SUCLG2: variants seen among roughly 807,000 people sequenced by gnomAD.
SUCLG2 encodes the protein succinate--CoA ligase [GDP-forming] subunit beta, mitochondrial.
In SUCLG2, 42 loss-of-function variants were observed where a neutral mutation model predicts 47.9. The observed-to-expected ratio is 0.88, with a 90% confidence interval of 0.69 to 1.14. The LOEUF (loss-of-function observed/expected upper bound fraction) is 1.14. SUCLG2 is among the 50% of genes most tolerant of loss of function. SUCLG2 has a pLI of 0.00. For missense variants in SUCLG2, 571 were observed against 525.9 expected, an observed-to-expected ratio of 1.09 and a Z score of -0.84; for synonymous variants, 195 against 197.3, an observed-to-expected ratio of 0.99 and a Z score of 0.10.
intron 2 of SUCLG2, among the ~76,000 whole-genome samples, chr3:67,589,853 A>G (rs2107274545): frequency 6.6e-6 from 1 of 152,314 alleles, no homozygotes; most frequent in East Asian, 1.9e-4. Context: ...ATGTTCCTGC[A>G]CTAAACTCCA....
At chr3:67,419,618 A>G (rs566153241) in intron 9 of SUCLG2, among the ~76,000 whole-genome samples, 2 of 152,268 alleles carry the variant, frequency 1.3e-5, no homozygotes, top group East Asian at 3.9e-4. Flanking sequence ...TGAAATGTTA[A>G]TGAGAAGAGA....
intron 6 of SUCLG2, among the ~76,000 whole-genome samples, chr3:67,516,595 T>G (rs912471340): frequency 2.0e-5 from 3 of 152,206 alleles, no homozygotes; most frequent in Non-Finnish European, 4.4e-5. Context: ...CACCTAGAAG[T>G]GTTGTTTCAC....
intron 9 of SUCLG2, among the ~76,000 whole-genome samples, chr3:67,495,187 A>G (rs1053053754): frequency 6.6e-6 from 1 of 152,212 alleles, no homozygotes; most frequent in Non-Finnish European, 1.5e-5. Flanking sequence ...AGGACCAGTC[A>G]CTTCTGTGTA....
Position 67,428,909 on chromosome 3 carries a change from T to A in SUCLG2, c.1063-28058A>T, listed in dbSNP as rs538778537. On this transcript the variant is annotated intron_variant, in intron 9 of 10. Transcript: ENST00000307227. ...GAAGAGAAGTTTAGAGAAAAAAGAG[T>A]AAAAAGAAATGAACAAAACCTCCAA... is the stretch of plus-strand genomic sequence containing the variant. 7.6e-3 allele frequency among the ~76,000 whole-genome samples: 1,147 copies of A among 150,972 alleles called. 14 individuals carry two copies. Among genetic ancestry groups the A allele is most frequent in the African/African-American group, 0.027 (1,100 of 41,088 alleles).
intron 10 of SUCLG2, among the ~76,000 whole-genome samples, chr3:67,362,521 G>T (rs1387856): frequency 0.58 from 88,044 of 151,834 alleles, 26,183 homozygotes; most frequent in Middle Eastern, 0.72. Flanking sequence ...TAATTTTTTT[G>T]TGTGTGTGTG....
At chr3:67,470,386 A>T (rs1236559980) in intron 9 of SUCLG2, among the ~76,000 whole-genome samples, 2 of 152,064 alleles carry the variant, frequency 1.3e-5, no homozygotes, top group Non-Finnish European at 2.9e-5. Context: ...GCATTTTCTT[A>T]TTTACATGCT....
At chr3:67,568,942 G>A (rs1241959176) in intron 2 of SUCLG2, among the ~76,000 whole-genome samples, 1 of 152,156 alleles carries the variant, frequency 6.6e-6, no homozygotes, top group Non-Finnish European at 1.5e-5. Context: ...CAAATTTAGA[G>A]CTATATGGAG....
At chr3:67,406,127 A>G (rs1702801636) in intron 9 of SUCLG2, among the ~76,000 whole-genome samples, 1 of 152,198 alleles carries the variant, frequency 6.6e-6, no homozygotes, top group African/African-American at 2.4e-5. Flanking sequence ...ACCAAGACTC[A>G]GAGGTAGAAA....
intron 1 of SUCLG2, among the ~76,000 whole-genome samples, chr3:67,626,085 T>C (rs1700824254): frequency 1.3e-5 from 2 of 151,834 alleles, no homozygotes; most frequent in African/African-American, 4.8e-5. Flanking sequence ...AGTGGCGCCA[T>C]CTCAGCTCAC....
chr3:67,373,007 T>C (rs1343054538), downstream of SUCLG2, among the ~76,000 whole-genome samples: 1 of 152,188 alleles, frequency 6.6e-6, no homozygotes, highest in Non-Finnish European at 1.5e-5. Flanking sequence ...TTTACTAAAA[T>C]AGGCCCTTGG....
At chr3:67,426,553 A>C (rs1703305273) in intron 9 of SUCLG2, among the ~76,000 whole-genome samples, 1 of 152,232 alleles carries the variant, frequency 6.6e-6, no homozygotes, top group African/African-American at 2.4e-5. Context: ...ATATTCAAGA[A>C]AATAAACTTT....
chr3:67,559,768 T>C (rs1216014915), intron 2 of SUCLG2, among the ~76,000 whole-genome samples: 1 of 152,176 alleles, frequency 6.6e-6, no homozygotes, highest in Non-Finnish European at 1.5e-5. Flanking sequence ...TTCAGGGCAA[T>C]AAAACTACTC....
chr3:67,459,588 C>T (rs768425644), intron 9 of SUCLG2, among the ~76,000 whole-genome samples: 87 of 152,140 alleles, frequency 5.7e-4, no homozygotes, highest in Non-Finnish European at 1.0e-3. Context: ...CAGGGAAGAA[C>T]AGAACTATTG....
intron 9 of SUCLG2, among the ~76,000 whole-genome samples, chr3:67,472,878 T>C (rs1257817114): frequency 2.6e-5 from 4 of 152,092 alleles, no homozygotes; most frequent in African/African-American, 7.2e-5. Flanking sequence ...TCTAAGATGA[T>C]GGTGACAGCA....
intron 2 of SUCLG2, among the ~76,000 whole-genome samples, chr3:67,584,728 G>A (rs923287090): frequency 6.6e-6 from 1 of 152,180 alleles, no homozygotes; most frequent in Non-Finnish European, 1.5e-5. Flanking sequence ...TGGCTGGGGA[G>A]GCCTCAGGAA....
chr3:67,432,007 G>T (rs1026154195), intron 9 of SUCLG2, among the ~76,000 whole-genome samples: 10 of 152,172 alleles, frequency 6.6e-5, no homozygotes, highest in South Asian at 4.1e-4. Flanking sequence ...TACATTGAGG[G>T]TGTCTAACCT....
intron 10 of SUCLG2, chr3:67,376,060 G>A: frequency 1.0e-6 from 1 of 985,470 alleles, no homozygotes; most frequent in Non-Finnish European, 1.2e-6. Context: ...AAAAGAAGAT[G>A]AAAGCAAGGG....
At chr3:67,520,676 C>A in intron 4 of SUCLG2, 42 bp from the exon 5 acceptor site, 1 of 1,565,812 alleles carries the variant, frequency 6.4e-7, no homozygotes, top group African/African-American at 1.4e-5. Context: ...CAGCATTAAG[C>A]TGATTTCTAC....
At chr3:67,481,147 T>A (rs983386540) in intron 9 of SUCLG2, among the ~76,000 whole-genome samples, 2 of 152,226 alleles carry the variant, frequency 1.3e-5, no homozygotes, top group Non-Finnish European at 2.9e-5. Flanking sequence ...TAAAATGTAA[T>A]AATGCAAATT....
Sources: gnomAD v4.1 joint callset for allele counts (sites outside exome capture counted in the v4.1 genomes callset) on GRCh38, gnomAD v4.1.1 for gene constraint, MANE v1.5 for transcripts, NCBI Gene and HGNC (gene_info 2026-07-23, HGNC 2026-07-21) for gene names.